COG7: variants seen among roughly 807,000 people sequenced by gnomAD.
The protein encoded by COG7 is conserved oligomeric Golgi complex subunit 7.
Under a neutral mutation model 91.5 loss-of-function variants are expected in COG7, and 49 were observed. That is an observed-to-expected ratio of 0.54 (90% CI 0.43 to 0.68). The LOEUF is 0.68. Among genes scored for constraint, COG7 ranks in the 30% least tolerant of loss-of-function variants. The pLI is 0.00. For synonymous variants in COG7, 365 were observed against 388.7 expected, an observed-to-expected ratio of 0.94 and a Z score of 0.72; for missense variants, 895 against 961.3, an observed-to-expected ratio of 0.93 and a Z score of 0.91.
chr16:23,420,375 G>C (rs546684500), intron 7 of COG7, among the ~76,000 whole-genome samples: 2 of 152,164 alleles, frequency 1.3e-5, no homozygotes, highest in Non-Finnish European at 2.9e-5. Context: ...ATTAGTAAAT[G>C]TAATAGCCTA....
intron 1 of COG7, chr16:23,446,940 C>CAG (rs71154214): frequency 0.29 from 43,138 of 151,324 alleles, 7,187 homozygotes; most frequent in African/African-American, 0.46. Flanking sequence ...TTTGCAGAGA[C>CAG]AGTTTCACCA....
At chr16:23,423,294 G>A (rs1221698156) in intron 7 of COG7, among the ~76,000 whole-genome samples, 1 of 152,066 alleles carries the variant, frequency 6.6e-6, no homozygotes, top group Non-Finnish European at 1.5e-5. Context: ...TTGAACCCAG[G>A]AGGTGGAGGT....
chr16:23,412,101 G>A (rs776919343), intron 10 of COG7, among the ~76,000 whole-genome samples: 1 of 152,064 alleles, frequency 6.6e-6, no homozygotes, highest in Non-Finnish European at 1.5e-5. Context: ...GGCTGGTCTT[G>A]AACTCCTGAC....
At chr16:23,436,888 G>A (rs936263541) in intron 4 of COG7, among the ~76,000 whole-genome samples, 3 of 152,152 alleles carry the variant, frequency 2.0e-5, no homozygotes, top group African/African-American at 4.8e-5. Context: ...TTTTATCTGC[G>A]TTGAAGCCAG....
intron 11 of COG7, 68 bp downstream of exon 11, chr16:23,410,227 T>C: frequency 7.7e-7 from 1 of 1,295,982 alleles, no homozygotes; most frequent in Non-Finnish European, 1.1e-6. Flanking sequence ...TGCTGTACTG[T>C]GTACTAGACC....
intron 4 of COG7, among the ~76,000 whole-genome samples, chr16:23,440,895 A>G (rs1964090259): frequency 1.3e-5 from 2 of 152,142 alleles, no homozygotes; most frequent in Non-Finnish European, 2.9e-5. Context: ...CCATCAGTCA[A>G]ATGAAAAACA....
chr16:23,434,436 C>T lies in COG7; in HGVS notation c.687+200G>A, dbSNP rs1044823194. On this transcript the variant is annotated intron_variant, in intron 5 of 16. Coordinates refer to ENST00000307149, the MANE Select transcript of COG7 (RefSeq NM_153603.4). Reference sequence around the variant, plus strand: ...CTGTAAACAGAAAAGAGAATGAAAACGGATAACTTTTTCCAACTGGCAATT... The same window carrying T: ...CTGTAAACAGAAAAGAGAATGAAAATGGATAACTTTTTCCAACTGGCAATT... Among the ~76,000 whole-genome samples the T allele has an allele frequency of 5.9e-5, 9 of 152,238 alleles. No individual in the cohort carries two copies. In the South Asian group the frequency reaches 1.4e-3, roughly 25 times the overall value.
In COG7 at chr16:23,388,780, G is replaced by A. The variant is rs573112847; in HGVS notation, c.*140C>T. 4.2e-5 allele frequency: 61 copies of A among 1,460,850 alleles called. No individual in the cohort carries two copies. In the African/African-American group the frequency reaches 6.5e-4, roughly 16 times the overall value. 90.5% of individuals were successfully genotyped at this position (1,460,850 alleles called of 1,614,324 possible). A position where few individuals can be genotyped will look rare whatever the true frequency, so the allele number is the denominator to read the frequency against. On this transcript the variant is annotated 3_prime_UTR_variant, in exon 17 of 17. Coordinates refer to ENST00000307149, the MANE Select transcript of COG7 (RefSeq NM_153603.4). The stretch of plus-strand genomic sequence containing the variant: ...CTCCCAAAGTGCTGGGATTACAGGC[G>A]TGAGCCACCGTGACCAGCTGAACCA...
At chr16:23,426,078 T>C (rs1045550578) in intron 6 of COG7, among the ~76,000 whole-genome samples, 1 of 152,066 alleles carries the variant, frequency 6.6e-6, no homozygotes, top group South Asian at 2.1e-4. Flanking sequence ...TAGCTGGGCA[T>C]GGTGGTGCAC....
chr16:23,451,883 A>G lies in COG7; in HGVS notation c.169+943T>C, dbSNP rs541804090. Among the ~76,000 whole-genome samples the G allele has an allele frequency of 1.1e-4, 17 of 152,204 alleles. No homozygotes were observed. The East Asian group carries it at 3.3e-3, about 29-fold the overall frequency. ...TTCCAGATATATGGATCTGTTGGCTATTCTTTCATACTCTCAAAATTCACT... is the reference window on the plus strand; with the variant it reads ...TTCCAGATATATGGATCTGTTGGCTGTTCTTTCATACTCTCAAAATTCACT... On this transcript the variant is annotated intron_variant, in intron 1 of 16. Coordinates refer to ENST00000307149, the MANE Select transcript of COG7 (RefSeq NM_153603.4).
chr16:23,397,702 C>T (rs1211632951), intron 14 of COG7, among the ~76,000 whole-genome samples: 2 of 152,212 alleles, frequency 1.3e-5, no homozygotes, highest in Non-Finnish European at 2.9e-5. Context: ...CACAAACACA[C>T]ACTACTCTTC....
In COG7 at chr16:23,410,370, AC is replaced by A; in HGVS notation, c.1410-11del. 6.2e-7 allele frequency: 1 copy of A among 1,612,896 alleles called. No individual in the cohort carries two copies. Among genetic ancestry groups the A allele is most frequent in the Non-Finnish European group, 8.5e-7 (1 of 1,179,080 alleles). On this transcript the variant is annotated splice_polypyrimidine_tract_variant and intron_variant, in intron 10 of 16. Coordinates refer to ENST00000307149, the MANE Select transcript of COG7 (RefSeq NM_153603.4). ...ACAGGTGGCTATTATCCTAAACAAA[AC>A]AAAAAGCACTTCAAGTTCAAGTATC... is the stretch of plus-strand genomic sequence containing the variant.
chr16:23,432,643 A>G (rs1963952344), intron 6 of COG7, among the ~76,000 whole-genome samples: 1 of 152,196 alleles, frequency 6.6e-6, no homozygotes, highest in African/African-American at 2.4e-5. Flanking sequence ...AAGGCAAGAG[A>G]ACAACGGTTT....
Position 23,453,132 on chromosome 16 carries a change from C to T in COG7, c.-138G>A. ...ACCCCAGAAACGCCAGGACGGGTAA[C>T]TTGCCCCTTTGCGCTTCCCCGCTCA... On this transcript the variant is annotated 5_prime_UTR_variant, in exon 1 of 17. Coordinates refer to ENST00000307149, the MANE Select transcript of COG7 (RefSeq NM_153603.4). 2 of 1,478,164 alleles carry T rather than the reference C, an allele frequency of 1.4e-6. No homozygotes were observed. The highest frequency in any genetic ancestry group is 2.5e-5 in the East Asian group (1 of 40,284). 91.6% of individuals were successfully genotyped at this position (1,478,164 alleles called of 1,614,324 possible).
At chr16:23,436,445 T>A (rs1050047668) in intron 4 of COG7, among the ~76,000 whole-genome samples, 1 of 152,100 alleles carries the variant, frequency 6.6e-6, no homozygotes, top group African/African-American at 2.4e-5. Context: ...TTAAAAACTG[T>A]TAGCTAGGCC....
At chr16:23,424,237 T>C (rs1239570548) in intron 7 of COG7, among the ~76,000 whole-genome samples, 4 of 137,048 alleles carry the variant, frequency 2.9e-5, no homozygotes. Context: ...GTGGAGGTTG[T>C]GGTGAGCCAA....
At chr16:23,433,339 C>A (rs1963962552) in intron 6 of COG7, among the ~76,000 whole-genome samples, 1 of 152,154 alleles carries the variant, frequency 6.6e-6, no homozygotes, top group Non-Finnish European at 1.5e-5. Flanking sequence ...GATCCGCCCA[C>A]TTCGACCTTC....
intron 7 of COG7, among the ~76,000 whole-genome samples, chr16:23,419,242 T>C (rs998732976): frequency 1.3e-5 from 2 of 151,782 alleles, no homozygotes; most frequent in African/African-American, 2.4e-5. Context: ...CGAAACCTTG[T>C]CTCTACTAAA....
chr16:23,398,213 A>G, intron 13 of COG7, 84 bp from the exon 14 acceptor site: 1 of 1,114,594 alleles, frequency 9.0e-7, no homozygotes, highest in South Asian at 1.3e-5. Flanking sequence ...CAAGAAGAAC[A>G]TGGCCTTCCC....
Sources: allele counts gnomAD v4.1 joint callset (sites outside exome capture counted in the v4.1 genomes callset), GRCh38; gene constraint gnomAD v4.1.1; transcripts MANE v1.5; gene names NCBI Gene and HGNC (gene_info 2026-07-23, HGNC 2026-07-21).